DPP10: variants seen among roughly 807,000 people sequenced by gnomAD.
DPP10 encodes the protein inactive dipeptidyl peptidase 10.
In DPP10, 33 loss-of-function variants were observed where a neutral mutation model predicts 120.9. The ratio of observed to expected loss-of-function variants is 0.27; its 90% CI spans 0.21 to 0.37. DPP10 has a LOEUF of 0.37. Ranked by LOEUF, DPP10 falls within the 10% of genes least tolerant of loss-of-function variation. DPP10 has a pLI of 1.00. For synonymous variants in DPP10, 337 were observed against 326.1 expected (o/e 1.03, Z -0.36); for missense variants, 816 against 942.8 (o/e 0.87, Z 1.76).
intron 1 of DPP10, among the ~76,000 whole-genome samples, chr2:114,743,605 T>C (rs1678278698): frequency 6.6e-6 from 1 of 152,192 alleles, no homozygotes; most frequent in Non-Finnish European, 1.5e-5. Flanking sequence ...ATCCTTAGCC[T>C]CTCTGTTGAT....
chr2:115,465,454 T>A (rs843432), intron 3 of DPP10, among the ~76,000 whole-genome samples: 125,953 of 152,192 alleles, frequency 0.83, 55,189 homozygotes, highest in Non-Finnish European at 0.97. Context: ...AATATGAGAA[T>A]GGCAATATTG....
At chr2:115,345,954 T>A (rs1467257629) in intron 3 of DPP10, among the ~76,000 whole-genome samples, 1 of 152,204 alleles carries the variant, frequency 6.6e-6, no homozygotes, top group African/African-American at 2.4e-5. Flanking sequence ...CCTAAATATA[T>A]AATTTTTATA....
chr2:114,849,113 A>G (rs1472783681), intron 1 of DPP10, among the ~76,000 whole-genome samples: 1 of 152,078 alleles, frequency 6.6e-6, no homozygotes, highest in Non-Finnish European at 1.5e-5. Context: ...TAGTGCCCAT[A>G]TTTACTTTTG....
At chr2:115,784,509 A>C (rs1683118815) in intron 17 of DPP10, among the ~76,000 whole-genome samples, 1 of 152,224 alleles carries the variant, frequency 6.6e-6, no homozygotes, top group Non-Finnish European at 1.5e-5. Flanking sequence ...TAATTATAAC[A>C]TATTAAAAAT....
intron 1 of DPP10, among the ~76,000 whole-genome samples, chr2:114,610,328 C>T (rs1693180250): frequency 6.6e-6 from 1 of 152,122 alleles, no homozygotes; most frequent in African/African-American, 2.4e-5. Context: ...CTACCTGAAA[C>T]CTAAGGCATT....
chr2:115,537,334 G>A (rs1220084876), intron 5 of DPP10, among the ~76,000 whole-genome samples: 3 of 151,936 alleles, frequency 2.0e-5, no homozygotes, highest in South Asian at 2.1e-4. Context: ...GTGTTGACTG[G>A]CAAAGAATCC....
At chr2:115,612,954 A>G (rs528525823) in intron 5 of DPP10, among the ~76,000 whole-genome samples, 6 of 152,086 alleles carry the variant, frequency 3.9e-5, no homozygotes, top group Non-Finnish European at 8.8e-5. Context: ...CAGGGTTGAT[A>G]AATCAATTGT....
At position 114,862,898 on chromosome 2, in the gene DPP10, A is replaced by G. The variant is rs192274270; in HGVS notation, c.60+420060A>G. Among the ~76,000 whole-genome samples the G allele has an allele frequency of 0.019, 1,186 of 62,666 alleles. 50 individuals carry two copies. In the East Asian group the frequency reaches 0.22, roughly 12 times the overall value. The allele number at this position is 62,666 out of a possible 152,430, so 41.1% of individuals were successfully genotyped here. A position where few individuals can be genotyped will look rare whatever the true frequency, so the allele number is the denominator to read the frequency against. On this transcript the variant is annotated intron_variant, in intron 1 of 25. Coordinates refer to ENST00000410059, the MANE Select transcript of DPP10 (RefSeq NM_020868.6). ...GTTGAAGTTTTCATTTTAGGACCAA[A>G]AAAAAAAAAAAAAAACCCCTCTTCT...
At chr2:115,835,063 G>A (rs1333686475) in intron 21 of DPP10, among the ~76,000 whole-genome samples, 1 of 151,830 alleles carries the variant, frequency 6.6e-6, no homozygotes, top group Non-Finnish European at 1.5e-5. Flanking sequence ...GTGAACCCAG[G>A]GGGCGGAGCT....
At position 114,689,177 on chromosome 2, in the gene DPP10, C is replaced by T. The variant is rs545707237; in HGVS notation, c.60+246339C>T. Among the ~76,000 whole-genome samples the T allele has an allele frequency of 1.1e-4, 16 of 151,860 alleles. No individual in the cohort carries two copies. In the South Asian group the frequency reaches 3.3e-3, roughly 31 times the overall value. On this transcript the variant is annotated intron_variant, in intron 1 of 25. Coordinates refer to ENST00000410059, the MANE Select transcript of DPP10 (RefSeq NM_020868.6). ...TGTCTTGCTGCACAAATCATCCCAT[C>T]ACCTAGGTATTAAGCCTGTTAGCTC...
chr2:115,524,729 CAA>C (rs1215497280), intron 4 of DPP10, among the ~76,000 whole-genome samples: 4 of 152,132 alleles, frequency 2.6e-5, no homozygotes, highest in Non-Finnish European at 5.9e-5. Flanking sequence ...CCTCCCCTCA[CAA>C]AGAGTCCTCT....
chr2:115,747,657 A>C (rs546549756), intron 10 of DPP10, among the ~76,000 whole-genome samples: 2 of 148,706 alleles, frequency 1.3e-5, no homozygotes, highest in Non-Finnish European at 3.0e-5. Context: ...TCAATGGCAC[A>C]ATCTCGGCTC....
intron 1 of DPP10, among the ~76,000 whole-genome samples, chr2:115,286,926 A>T (rs991926605): frequency 6.6e-6 from 1 of 152,054 alleles, no homozygotes; most frequent in African/African-American, 2.4e-5. Flanking sequence ...AGCTTATAAT[A>T]TTTAAGTTTC....
intron 3 of DPP10, among the ~76,000 whole-genome samples, chr2:115,381,670 C>T (rs997926608): frequency 6.6e-6 from 1 of 152,136 alleles, no homozygotes; most frequent in African/African-American, 2.4e-5. Context: ...TGGTTTTTCC[C>T]CATCTTTGTG....
At chr2:115,572,801 T>A (rs1352438559) in intron 5 of DPP10, among the ~76,000 whole-genome samples, 9 of 152,144 alleles carry the variant, frequency 5.9e-5, no homozygotes, top group Admixed American at 5.9e-4. Context: ...AACATTATTA[T>A]TTTTTTAACA....
intron 1 of DPP10, among the ~76,000 whole-genome samples, chr2:115,186,264 A>C (rs541057414): frequency 1.3e-5 from 2 of 152,204 alleles, no homozygotes; most frequent in East Asian, 3.9e-4. Context: ...AAGTTCTTCT[A>C]TGCAGAGAGA....
chr2:115,162,914 CGAGGAG>C (rs372201733), intron 1 of DPP10, among the ~76,000 whole-genome samples: 2 of 151,206 alleles, frequency 1.3e-5, no homozygotes, highest in Admixed American at 6.6e-5. Context: ...GACACCCTGG[CGAGGAG>C]GAGGAGGAGG....
At chr2:115,693,362 G>A (rs1478841291) in intron 7 of DPP10, among the ~76,000 whole-genome samples, 1 of 152,036 alleles carries the variant, frequency 6.6e-6, no homozygotes, top group Admixed American at 6.6e-5. Flanking sequence ...CATCCTTCCT[G>A]TTTCACTCTG....
At chr2:115,827,282 C>T (rs192784770) in intron 21 of DPP10, among the ~76,000 whole-genome samples, 2,715 of 144,442 alleles carry the variant, frequency 0.019, 50 homozygotes, top group African/African-American at 0.048. Flanking sequence ...TATGTATACA[C>T]ATACATATAT....
Sources: gnomAD v4.1 joint callset for allele counts (sites outside exome capture counted in the v4.1 genomes callset) on GRCh38, gnomAD v4.1.1 for gene constraint, MANE v1.5 for transcripts, NCBI Gene and HGNC (gene_info 2026-07-23, HGNC 2026-07-21) for gene names.